MTCL2: variants seen among roughly 807,000 people sequenced by gnomAD.
MTCL2 encodes the protein microtubule crosslinking factor 2, also known as microtubule cross-linking factor 2.
At chr20:36,793,505 C>T in the MTCL2 span, 2 of 1,551,736 alleles carry the variant, frequency 1.3e-6, no homozygotes, top group East Asian at 4.9e-5. The surrounding 1 kb of genome is among the most constrained non-coding windows in gnomAD (Gnocchi z 6.8). Flanking sequence ...CTGCACAATG[C>T]CGTACTTGGG....
chr20:36,778,346 T>C, the MTCL2 span: 2 of 152,446 alleles, frequency 1.3e-5, no homozygotes, highest in African/African-American at 2.4e-5. Context: ...TCAGAATCAT[T>C]TGGAGGGCTC....
chr20:36,856,970 G>A, the MTCL2 span, among the ~76,000 whole-genome samples: 1 of 152,224 alleles, frequency 6.6e-6, no homozygotes, highest in Non-Finnish European at 1.5e-5. Context: ...CTGTGTCCCT[G>A]CTGATGTGCA....
At chr20:36,778,159 C>G in the MTCL2 span, 2 of 225,620 alleles carry the variant, frequency 8.9e-6, no homozygotes, top group East Asian at 1.9e-4. Context: ...CCTTCAACTT[C>G]TCTTCCTCTT....
the MTCL2 span, chr20:36,785,491 T>C: frequency 1.0e-6 from 1 of 985,428 alleles, no homozygotes; most frequent in Non-Finnish European, 1.2e-6. Context: ...TCTGGCCTCT[T>C]GGTGTTCTCC....
the MTCL2 span, among the ~76,000 whole-genome samples, chr20:36,823,988 G>A: frequency 6.6e-6 from 1 of 152,164 alleles, no homozygotes; most frequent in African/African-American, 2.4e-5. Flanking sequence ...CTGTGCCAGG[G>A]AAGGAAGCAG....
At chr20:36,858,204 C>T in the MTCL2 span, among the ~76,000 whole-genome samples, 5 of 152,096 alleles carry the variant, frequency 3.3e-5, no homozygotes, top group Non-Finnish European at 7.3e-5. Context: ...ATTTACTGAT[C>T]TGTAAAATGG....
At chr20:36,855,014 A>C in the MTCL2 span, among the ~76,000 whole-genome samples, 1 of 152,140 alleles carries the variant, frequency 6.6e-6, no homozygotes, top group Non-Finnish European at 1.5e-5. Context: ...CTGATGCCCC[A>C]AGCCAACACC....
At chr20:36,835,677 T>C in the MTCL2 span, among the ~76,000 whole-genome samples, 2 of 152,026 alleles carry the variant, frequency 1.3e-5, no homozygotes, top group Non-Finnish European at 2.9e-5. Flanking sequence ...GAGGTGTCCA[T>C]CCAGCTCAGG....
the MTCL2 span, among the ~76,000 whole-genome samples, chr20:36,854,716 G>T: frequency 9.8e-5 from 15 of 152,328 alleles, no homozygotes; most frequent in African/African-American, 3.6e-4. Flanking sequence ...AAGATGTTCA[G>T]CTGATCCAGC....
At chr20:36,802,977 C>T in the MTCL2 span, 18 of 1,589,836 alleles carry the variant, frequency 1.1e-5, no homozygotes, top group Middle Eastern at 1.2e-3. Flanking sequence ...CTGCAGCTGC[C>T]GAGTCAGCTC....
chr20:36,818,388 C>T, the MTCL2 span, among the ~76,000 whole-genome samples: 2 of 152,218 alleles, frequency 1.3e-5, no homozygotes, highest in African/African-American at 4.8e-5. Flanking sequence ...GCCTGGCCAA[C>T]ATAGCAAGAC....
At chr20:36,807,865 C>CT in the MTCL2 span, among the ~76,000 whole-genome samples, 11,393 of 53,580 alleles carry the variant, frequency 0.21, 3,473 homozygotes, top group East Asian at 0.38. Flanking sequence ...GAAACCCTGT[C>CT]TTTTTTTTTT....
At chr20:36,815,050 A>G in the MTCL2 span, 1 of 1,401,760 alleles carries the variant, frequency 7.1e-7, no homozygotes, top group Non-Finnish European at 9.6e-7. This position sits in a 1 kb window ranked among gnomAD's most constrained non-coding sequence, Gnocchi z 5.3. Context: ...CAGCGGGGAG[A>G]GACCCTATCT....
chr20:36,784,722 AG>A, the MTCL2 span: 1 of 985,476 alleles, frequency 1.0e-6, no homozygotes, highest in South Asian at 4.7e-5. Flanking sequence ...GGCAGCTCAC[AG>A]GGGACGTGAG....
At chr20:36,791,789 T>C in the MTCL2 span, among the ~76,000 whole-genome samples, 1 of 152,124 alleles carries the variant, frequency 6.6e-6, no homozygotes, top group Non-Finnish European at 1.5e-5. Flanking sequence ...AGGAGGAATA[T>C]GATATCAGAG....
the MTCL2 span, among the ~76,000 whole-genome samples, chr20:36,823,235 T>A: frequency 6.6e-6 from 1 of 152,308 alleles, no homozygotes; most frequent in South Asian, 2.1e-4. Context: ...CCAAATCAAA[T>A]GTCACAAGGA....
the MTCL2 span, chr20:36,810,233 CA>C: frequency 1.7e-6 from 2 of 1,173,706 alleles, no homozygotes; most frequent in Non-Finnish European, 1.2e-6. Context: ...TGTCCAAATA[CA>C]AATCAGGCAG....
chr20:36,797,573 G>A, the MTCL2 span: 1 of 1,556,210 alleles, frequency 6.4e-7, no homozygotes, highest in South Asian at 1.2e-5. Context: ...GCCTTCTGCA[G>A]CTGGGCAAGG....
chr20:36,859,387 A>T, the MTCL2 span, among the ~76,000 whole-genome samples: 1 of 152,230 alleles, frequency 6.6e-6, no homozygotes, highest in Non-Finnish European at 1.5e-5. Context: ...GCACCTCAGT[A>T]GTTAATAACC....
Sources: gnomAD v4.1 joint callset for allele counts (sites outside exome capture counted in the v4.1 genomes callset) on GRCh38, gnomAD v4.1.1 for gene constraint, Gnocchi (gnomAD v3.1) non-coding constraint, MANE v1.5 for transcripts, NCBI Gene and HGNC (gene_info 2026-07-23, HGNC 2026-07-21) for gene names.